The following GFOD1 variants were observed in gnomAD, a reference collection of about 807,000 sequenced individuals.
GFOD1 encodes Gfo/Idh/MocA-like oxidoreductase domain containing 1.
GFOD1 carries 9 observed loss-of-function variants against 25.4 expected under a neutral mutation model. The ratio of observed to expected loss-of-function variants is 0.35; its 90% CI spans 0.21 to 0.62. The LOEUF is 0.62. Ranked by LOEUF, GFOD1 falls within the 20% of genes least tolerant of loss-of-function variation. The probability of loss-of-function intolerance (pLI) is 0.72; values close to 1 mark genes in which losing one functional copy is unlikely to be tolerated. For missense variants in GFOD1, 403 were observed against 556.9 expected, an observed-to-expected ratio of 0.72 and a Z score of 2.78; for synonymous variants, 253 against 245.6, an observed-to-expected ratio of 1.03 and a Z score of -0.28.
intron 1 of GFOD1, among the ~76,000 whole-genome samples, chr6:13,447,493 T>G (rs1162570249): frequency 6.6e-6 from 1 of 151,982 alleles, no homozygotes; most frequent in Admixed American, 6.6e-5. Flanking sequence ...TTCCAACACT[T>G]TGGGAGGCTG....
At position 13,381,445 on chromosome 6, in the gene GFOD1, A is replaced by T. The variant is rs563221751; in HGVS notation, c.254-15783T>A. On this transcript the variant is annotated intron_variant, in intron 1 of 1. Transcript: ENST00000379287. ...AGAAGAGGCCAGGATACAGGTAATAAAGGCTCCAGCCCCTGAGAAAAGGGT... is the reference window on the plus strand; with the variant it reads ...AGAAGAGGCCAGGATACAGGTAATATAGGCTCCAGCCCCTGAGAAAAGGGT... Among the ~76,000 whole-genome samples the T allele has an allele frequency of 2.0e-5, 3 of 152,342 alleles. No individual in the cohort carries two copies. The South Asian group carries it at 6.2e-4, about 32-fold the overall frequency.
At chr6:13,372,456 C>T (rs1222123121) in intron 1 of GFOD1, among the ~76,000 whole-genome samples, 2 of 152,186 alleles carry the variant, frequency 1.3e-5, no homozygotes, top group Admixed American at 1.3e-4. Flanking sequence ...CTTCAGGCAG[C>T]TGCTCCCCTT....
intron 1 of GFOD1, among the ~76,000 whole-genome samples, chr6:13,449,973 T>G (rs993126674): frequency 2.6e-5 from 4 of 152,224 alleles, no homozygotes; most frequent in African/African-American, 9.7e-5. Flanking sequence ...CTTTCCTGAC[T>G]TGGTTCTGGA....
At chr6:13,424,401 C>A (rs1267175583) in intron 1 of GFOD1, among the ~76,000 whole-genome samples, 1 of 152,192 alleles carries the variant, frequency 6.6e-6, no homozygotes, top group East Asian at 1.9e-4. Flanking sequence ...TATCTTAAAT[C>A]CTCTTTAAAC....
At chr6:13,407,068 A>G (rs1785959353) in intron 1 of GFOD1, among the ~76,000 whole-genome samples, 2 of 152,054 alleles carry the variant, frequency 1.3e-5, no homozygotes, top group African/African-American at 4.8e-5. Flanking sequence ...TGCACCCTCC[A>G]TTTCCCTTTT....
intron 1 of GFOD1, among the ~76,000 whole-genome samples, chr6:13,471,828 G>A (rs1250647513): frequency 2.6e-5 from 4 of 152,210 alleles, no homozygotes; most frequent in African/African-American, 9.7e-5. Context: ...TATGTTGCAT[G>A]GTCCAATATG....
chr6:13,379,173 A>G (rs541098883), intron 1 of GFOD1, among the ~76,000 whole-genome samples: 1 of 152,180 alleles, frequency 6.6e-6, no homozygotes, highest in Non-Finnish European at 1.5e-5. Context: ...CCTACAGTGC[A>G]ATAATTGAGT....
chr6:13,486,750 A>G lies in GFOD1; in HGVS notation c.141T>C (p.Ser47=), dbSNP rs746037745. 4.3e-6 allele frequency: 7 copies of G among 1,613,356 alleles called. No homozygotes were observed. The highest frequency in any genetic ancestry group is 1.7e-5 in the Admixed American group (1 of 59,978). ...EEAEELAKEM[S]VPFYTSRIDE... ...CAATGCGGCTAGTGTAGAAGGGGAC[A>G]CTCATCTCCTTGGCCAGCTCCTCCG... Residue 47 remains serine, a synonymous_variant, in exon 1 of 2, where the codon AGT becomes AGC. Transcript: ENST00000379287.
At chr6:13,456,042 T>A (rs1387912252) in intron 1 of GFOD1, among the ~76,000 whole-genome samples, 1 of 152,290 alleles carries the variant, frequency 6.6e-6, no homozygotes, top group Admixed American at 6.5e-5. Context: ...AGTTCCATCA[T>A]CCCAAGAAGG....
At chr6:13,373,069 T>G (rs1785182302) in intron 1 of GFOD1, among the ~76,000 whole-genome samples, 1 of 152,236 alleles carries the variant, frequency 6.6e-6, no homozygotes. Context: ...ATTTATACTT[T>G]GTTCCTTCAA....
intron 1 of GFOD1, among the ~76,000 whole-genome samples, chr6:13,447,283 T>C (rs1166966867): frequency 6.6e-6 from 1 of 152,194 alleles, no homozygotes; most frequent in Admixed American, 6.5e-5. Context: ...TCGTTGGCAT[T>C]CCTTGGCTGG....
intron 1 of GFOD1, among the ~76,000 whole-genome samples, chr6:13,429,159 G>C (rs1004396982): frequency 6.6e-6 from 1 of 152,188 alleles, no homozygotes; most frequent in Non-Finnish European, 1.5e-5. Flanking sequence ...CTTTTCATGA[G>C]AGTGAAAAGA....
chr6:13,458,024 A>C (rs1262419046), intron 1 of GFOD1, among the ~76,000 whole-genome samples: 38 of 152,246 alleles, frequency 2.5e-4, no homozygotes, highest in Non-Finnish European at 1.5e-5. Flanking sequence ...ATGACAATTA[A>C]AATGCAAAAG....
At chr6:13,408,645 C>T (rs1050080314) in intron 1 of GFOD1, among the ~76,000 whole-genome samples, 5 of 152,238 alleles carry the variant, frequency 3.3e-5, no homozygotes, top group Admixed American at 6.5e-5. Context: ...CTACCTTTAG[C>T]GATTTCATGT....
intron 1 of GFOD1, among the ~76,000 whole-genome samples, chr6:13,479,003 C>T (rs894591781): frequency 3.3e-5 from 5 of 150,618 alleles, no homozygotes; most frequent in South Asian, 4.2e-4. Context: ...CTGTGAAGCA[C>T]GTACTGGATT....
Position 13,364,869 on chromosome 6 carries a change from G to A in GFOD1, c.1047C>T (p.Thr349=), listed in dbSNP as rs760718345. The A allele has an allele frequency of 4.3e-6, 7 of 1,613,900 alleles. No individual in the cohort carries two copies. The Admixed American group carries it at 5.0e-5, about 12-fold the overall frequency. Residue 349 remains threonine (T), a synonymous_variant, in exon 2 of 2, where the codon ACC becomes ACT. Coordinates refer to ENST00000379287, the MANE Select transcript of GFOD1 (RefSeq NM_018988.4). The surrounding 1 kb of genome is among the most constrained non-coding windows in gnomAD (Gnocchi z 4.1). ...CGCCCGTCTGGCTGGACCTCTTGAT[G>A]GTGTCCACCACGCACAAGGCATACA... ...DCLYALCVVD[T]IKRSSQTGEW...
rs567102359 is a variant in GFOD1, at chr6:13,363,012, A to G, written c.*1731T>C. ...GGACTTCAGTGAGCCTGTGAACAAA[A>G]GCTACGTAGACTTATGAGGAATGGC... On this transcript the variant is annotated 3_prime_UTR_variant, in exon 2 of 2. Transcript: ENST00000379287. 1 of 152,252 alleles carries G rather than the reference A, an allele frequency of 6.6e-6. No homozygotes were observed. The highest frequency in any genetic ancestry group is 1.5e-5 in the Non-Finnish European group (1 of 68,046). 9.4% of individuals were successfully genotyped at this position (152,252 alleles called of 1,614,324 possible). A position where few individuals can be genotyped will look rare whatever the true frequency, so the allele number is the denominator to read the frequency against.
intron 1 of GFOD1, among the ~76,000 whole-genome samples, chr6:13,466,330 C>G (rs1430722749): frequency 6.6e-6 from 1 of 152,210 alleles, no homozygotes; most frequent in Non-Finnish European, 1.5e-5. Flanking sequence ...TCAAGACCCT[C>G]TCTGGGTTTT....
intron 1 of GFOD1, among the ~76,000 whole-genome samples, chr6:13,477,254 T>TGTGTGTGG (rs1562231516): frequency 6.7e-6 from 1 of 149,682 alleles, no homozygotes; most frequent in Non-Finnish European, 1.5e-5. Flanking sequence ...TGTGTGTGTG[T>TGTGTGTGG]AGATGAGAGA....
Sources: gnomAD v4.1 joint callset for allele counts (sites outside exome capture counted in the v4.1 genomes callset) on GRCh38, gnomAD v4.1.1 for gene constraint, Gnocchi (gnomAD v3.1) non-coding constraint, MANE v1.5 for transcripts, NCBI Gene and HGNC (gene_info 2026-07-23, HGNC 2026-07-21) for gene names.